Variants in RBPJ observed in about 807,000 individuals in gnomAD.
RBPJ encodes the protein recombining binding protein suppressor of hairless.
A neutral mutation model predicts 67.8 loss-of-function variants in RBPJ; 9 were observed. The observed-to-expected ratio is 0.13, with a 90% CI of 0.08 to 0.23. The LOEUF (loss-of-function observed/expected upper bound fraction) is 0.23. Ranked by LOEUF, RBPJ falls within the 10% of genes least tolerant of loss-of-function variation. The pLI is 1.00. For missense variants in RBPJ, 305 were observed against 595.6 expected, an observed-to-expected ratio of 0.51 and a Z score of 5.08; for synonymous variants, 198 against 203.3, an observed-to-expected ratio of 0.97 and a Z score of 0.22.
the RBPJ span, chr4:26,112,755 C>CTTTTTTTTTTTTT: frequency 2.3e-5 from 2 of 88,706 alleles, no homozygotes; most frequent in African/African-American, 4.8e-5. Context: ...AAGGGAGAAT[C>CTTTTTTTTTTTTT]TTTTTTTTTT....
rs1389792588 is a variant in RBPJ, at chr4:26,244,507, GTA to G, written c.-167+80896_-167+80897del. Among the ~76,000 whole-genome samples the G allele has an allele frequency of 3.3e-4, 48 of 146,608 alleles. 2 individuals are homozygous for G. The highest frequency in any genetic ancestry group is 4.1e-4 in the Non-Finnish European group (27 of 66,420). On this transcript the variant is annotated intron_variant, in intron 1 of 4. Coordinates refer to the RBPJ transcript ENST00000512351. ...TGTATACATATATGTGTGTATATAT[GTA>G]TACATATATGTGTATGCATATATAC...
chr4:26,375,987 C>A (rs531048750), intron 1 of RBPJ, among the ~76,000 whole-genome samples: 1 of 152,116 alleles, frequency 6.6e-6, no homozygotes. Flanking sequence ...AACTACTTGT[C>A]TGTTTTTTCT....
intron 2 of RBPJ, among the ~76,000 whole-genome samples, chr4:26,392,557 C>T (rs1344963786): frequency 1.3e-5 from 2 of 152,048 alleles, no homozygotes; most frequent in Non-Finnish European, 2.9e-5. Flanking sequence ...CTAAATATAT[C>T]AGGAAAAAAG....
At chr4:26,302,608 A>G (rs141126170) in intron 1 of RBPJ, among the ~76,000 whole-genome samples, 27 of 152,342 alleles carry the variant, frequency 1.8e-4, no homozygotes, top group African/African-American at 5.5e-4. Flanking sequence ...AGGGCTGGTT[A>G]TAGAGAAATG....
At chr4:26,160,009 C>T (rs1445684655), upstream of RBPJ, among the ~76,000 whole-genome samples, 1 of 151,948 alleles carries the variant, frequency 6.6e-6, no homozygotes, top group Non-Finnish European at 1.5e-5. Context: ...AACTCCGCTT[C>T]CCGAGTTCAC....
chr4:26,242,422 G>A (rs1719671971), intron 1 of RBPJ, among the ~76,000 whole-genome samples: 1 of 147,912 alleles, frequency 6.8e-6, no homozygotes, highest in African/African-American at 2.5e-5. Context: ...ACTCCAGCCT[G>A]GACAACAGAG....
intron 3 of RBPJ, among the ~76,000 whole-genome samples, chr4:26,413,974 C>T (rs958798426): frequency 3.9e-5 from 6 of 152,098 alleles, no homozygotes; most frequent in South Asian, 2.1e-4. Flanking sequence ...AGTTCAGCCA[C>T]GTGAGTGTGA....
At chr4:26,220,597 T>A (rs1236153615) in intron 1 of RBPJ, among the ~76,000 whole-genome samples, 1 of 152,174 alleles carries the variant, frequency 6.6e-6, no homozygotes, top group Non-Finnish European at 1.5e-5. Context: ...CGCTTGCCTC[T>A]CCCTGGGTCC....
chr4:26,354,382 C>T lies in RBPJ; in HGVS notation c.21-31971C>T, dbSNP rs112734116. Among the ~76,000 whole-genome samples the T allele has an allele frequency of 7.3e-5, 11 of 151,058 alleles. 1 individual carries two copies. The highest frequency in any genetic ancestry group is 2.7e-4 in the African/African-American group (11 of 41,108). ...TTTTGTTTCACCATCAAATATAGAT[C>T]ACAAGGAAAACATAAAAAATGTAGT... On this transcript the variant is annotated intron_variant, in intron 1 of 10. Coordinates refer to ENST00000355476, the MANE Select transcript of RBPJ (RefSeq NM_015874.6).
chr4:26,197,403 G>A (rs1717808365), intron 1 of RBPJ, among the ~76,000 whole-genome samples: 1 of 152,180 alleles, frequency 6.6e-6, no homozygotes, highest in South Asian at 2.1e-4. Flanking sequence ...AGTCACACTG[G>A]GTCAGGAAAT....
the RBPJ span, among the ~76,000 whole-genome samples, chr4:26,138,549 G>C: frequency 6.6e-6 from 1 of 152,172 alleles, no homozygotes; most frequent in East Asian, 1.9e-4. Flanking sequence ...TTCTCCCACA[G>C]ATAATCAAGA....
Position 26,337,838 on chromosome 4 carries a change from C to T in RBPJ, c.20+16790C>T, listed in dbSNP as rs1277408785. Among the ~76,000 whole-genome samples, 4 of 151,892 alleles carry T rather than the reference C, an allele frequency of 2.6e-5. No homozygotes were observed. In the East Asian group the frequency reaches 7.7e-4, roughly 29 times the overall value. On this transcript the variant is annotated intron_variant, in intron 1 of 10. Transcript: ENST00000355476. ...AGTAGCTGAGACCACAAGCATGTGC[C>T]ACCAGGCTTGGCTAATTTTTAAGTT... is the stretch of plus-strand genomic sequence containing the variant.
upstream of RBPJ, among the ~76,000 whole-genome samples, chr4:26,160,957 C>G (rs1716066377): frequency 6.6e-6 from 1 of 152,212 alleles, no homozygotes; most frequent in Non-Finnish European, 1.5e-5. Flanking sequence ...GTACCAAATA[C>G]TAGCTCTGGA....
chr4:26,229,243 G>A (rs1036266039), intron 1 of RBPJ, among the ~76,000 whole-genome samples: 7 of 152,148 alleles, frequency 4.6e-5, no homozygotes, highest in African/African-American at 1.4e-4. Flanking sequence ...TTTGTGAAGG[G>A]CCAATCACCT....
rs950277083 is a variant in RBPJ at position 26,287,365 on chromosome 4, C to T, written c.-166-75081C>T. 1.1e-4 allele frequency among the ~76,000 whole-genome samples: 16 copies of T among 151,640 alleles called. 1 individual carries two copies. Among genetic ancestry groups the T allele is most frequent in the African/African-American group, 3.9e-4 (16 of 41,238 alleles). Reference sequence around the variant, plus strand: ...GACCAGCCTGGGCAGCATAGCGAGACCCCATCTCTAGCAAAAAAAGTAAAA... The same window carrying T: ...GACCAGCCTGGGCAGCATAGCGAGATCCCATCTCTAGCAAAAAAAGTAAAA... On this transcript the variant is annotated intron_variant, in intron 1 of 4. Transcript: ENST00000512351.
At chr4:26,411,873 C>T (rs1009951448) in intron 3 of RBPJ, among the ~76,000 whole-genome samples, 3 of 150,842 alleles carry the variant, frequency 2.0e-5, no homozygotes, top group Non-Finnish European at 3.0e-5. Flanking sequence ...TTTGGGAGGC[C>T]GAGGCGGGCG....
chr4:26,415,559 T>A lies in RBPJ; in HGVS notation c.240T>A (p.Ser80=), dbSNP rs759623862. The A allele has an allele frequency of 6.2e-7, 1 of 1,613,512 alleles. No homozygotes were observed. The highest frequency in any genetic ancestry group is 8.5e-7 in the Non-Finnish European group (1 of 1,179,622). The part of the protein sequence containing the change: ...KKEQMERDGC[S]EQESQPCAFI... ...AACAAATGGAACGCGATGGTTGTTC[T>A]GAACAAGAGTCTCAACCGTGTGCAT... is the stretch of plus-strand genomic sequence containing the variant. The change falls in exon 4 of 11, where the codon TCT becomes TCA. Residue 80 remains serine (S), a synonymous_variant. Coordinates refer to ENST00000355476, the MANE Select transcript of RBPJ (RefSeq NM_015874.6).
chr4:26,127,017 A>G, the RBPJ span, among the ~76,000 whole-genome samples: 1 of 152,180 alleles, frequency 6.6e-6, no homozygotes, highest in African/African-American at 2.4e-5. Flanking sequence ...AGCCGACCAC[A>G]CACGTCACTC....
the RBPJ span, chr4:26,113,219 TG>T: frequency 2.8e-5 from 8 of 289,730 alleles, no homozygotes; most frequent in East Asian, 3.5e-4. Context: ...ATAGTACACA[TG>T]GGGGGAAGCC....
Sources: gnomAD v4.1 joint callset for allele counts (sites outside exome capture counted in the v4.1 genomes callset) on GRCh38, gnomAD v4.1.1 for gene constraint, MANE v1.5 for transcripts, NCBI Gene and HGNC (gene_info 2026-07-23, HGNC 2026-07-21) for gene names.